Variants in MAF observed in about 807,000 individuals in gnomAD.
MAF encodes the protein MAF bZIP transcription factor.
A neutral mutation model predicts 22.0 loss-of-function variants in MAF; 10 were observed. The ratio of observed to expected loss-of-function variants is 0.45; its 90% confidence interval spans 0.28 to 0.77. MAF has a LOEUF of 0.77. Among genes scored for constraint, MAF ranks in the 30% least tolerant of loss-of-function variants. The pLI is 0.12. For missense variants in MAF, 544 were observed against 548.4 expected (o/e 0.99, Z 0.08); for synonymous variants, 337 against 255.8 (o/e 1.32, Z -3.03).
chr16:79,203,682 C>T, the MAF span: 1 of 152,134 alleles, frequency 6.6e-6, no homozygotes, highest in Non-Finnish European at 1.5e-5. Context: ...ATTTTGCAGG[C>T]AGACTTCGTA....
At chr16:79,225,594 A>T in the MAF span, among the ~76,000 whole-genome samples, 2 of 152,220 alleles carry the variant, frequency 1.3e-5, no homozygotes, top group African/African-American at 2.4e-5. Flanking sequence ...CAGGAAACCT[A>T]CAGAATGGGA....
the MAF span, among the ~76,000 whole-genome samples, chr16:79,557,406 A>G: frequency 1.3e-5 from 2 of 151,992 alleles, no homozygotes; most frequent in African/African-American, 4.8e-5. Context: ...GGAAGCAAAA[A>G]CAGCTCTGGC....
the MAF span, among the ~76,000 whole-genome samples, chr16:79,477,366 G>C: frequency 6.6e-6 from 1 of 152,170 alleles, no homozygotes; most frequent in African/African-American, 2.4e-5. Flanking sequence ...TCGCCCAGTG[G>C]GTAGGGCCAG....
the MAF span, among the ~76,000 whole-genome samples, chr16:79,448,098 C>A: frequency 6.6e-6 from 1 of 152,094 alleles, no homozygotes; most frequent in Non-Finnish European, 1.5e-5. Flanking sequence ...GTTGATAAAG[C>A]AGCAGCAGCG....
downstream of MAF, among the ~76,000 whole-genome samples, chr16:79,585,074 C>A (rs1027357915): frequency 2.0e-5 from 3 of 152,048 alleles, no homozygotes; most frequent in African/African-American, 7.2e-5. Flanking sequence ...TTAAAAAAAT[C>A]AAATGTACCA....
chr16:79,558,751 C>G, the MAF span, among the ~76,000 whole-genome samples: 3 of 152,130 alleles, frequency 2.0e-5, no homozygotes, highest in Non-Finnish European at 1.5e-5. Context: ...ATTCAAGAGT[C>G]CAGTGGCTTT....
the MAF span, among the ~76,000 whole-genome samples, chr16:79,395,332 C>A: frequency 6.6e-6 from 1 of 152,146 alleles, no homozygotes; most frequent in African/African-American, 2.4e-5. Context: ...AGTGAGGGAG[C>A]ATAGGTTTGC....
the MAF span, among the ~76,000 whole-genome samples, chr16:79,301,964 C>G: frequency 6.6e-6 from 1 of 152,244 alleles, no homozygotes; most frequent in South Asian, 2.1e-4. Context: ...CACAAGGGTG[C>G]GTCCTATGCC....
At chr16:79,221,619 T>G in the MAF span, among the ~76,000 whole-genome samples, 1 of 152,208 alleles carries the variant, frequency 6.6e-6, no homozygotes, top group Admixed American at 6.5e-5. Context: ...TTCTAGCAGT[T>G]AATCCTAAAA....
the MAF span, among the ~76,000 whole-genome samples, chr16:79,555,920 G>A: frequency 1.3e-5 from 2 of 152,162 alleles, no homozygotes; most frequent in African/African-American, 2.4e-5. Context: ...TAACATAGAT[G>A]TAGATAACTG....
the MAF span, among the ~76,000 whole-genome samples, chr16:79,463,170 G>T: frequency 6.6e-6 from 1 of 152,212 alleles, no homozygotes; most frequent in South Asian, 2.1e-4. Context: ...ACAGAGATCA[G>T]GCCCATGTAG....
At chr16:79,311,462 G>A in the MAF span, among the ~76,000 whole-genome samples, 2 of 148,454 alleles carry the variant, frequency 1.3e-5, no homozygotes, top group African/African-American at 5.0e-5. Flanking sequence ...GGGCATCACA[G>A]TTTTACAAAA....
At chr16:79,389,008 C>T in the MAF span, among the ~76,000 whole-genome samples, 85 of 152,186 alleles carry the variant, frequency 5.6e-4, no homozygotes, top group African/African-American at 1.9e-3. Context: ...TTCCAGGGCA[C>T]GAAATATGAA....
chr16:79,235,150 C>G, the MAF span, among the ~76,000 whole-genome samples: 2 of 152,186 alleles, frequency 1.3e-5, no homozygotes, highest in Middle Eastern at 3.4e-3. Context: ...CCAAAGCTCA[C>G]CGGGAAAGTG....
At chr16:79,519,164 ACATGGAGAAC>A in the MAF span, among the ~76,000 whole-genome samples, 1 of 152,120 alleles carries the variant, frequency 6.6e-6, no homozygotes, top group African/African-American at 2.4e-5. Context: ...TCTCCTTTGT[ACATGGAGAAC>A]CACAGAGGTT....
At chr16:79,408,097 A>AAAAAC in the MAF span, among the ~76,000 whole-genome samples, 1 of 151,536 alleles carries the variant, frequency 6.6e-6, no homozygotes, top group Admixed American at 6.6e-5. Context: ...AAAAAAAAAA[A>AAAAAC]AAACCTAAAG....
chr16:79,382,986 A>C, the MAF span, among the ~76,000 whole-genome samples: 2 of 152,202 alleles, frequency 1.3e-5, no homozygotes, highest in African/African-American at 2.4e-5. Flanking sequence ...CATCCATTCA[A>C]TATTTACTAA....
chr16:79,477,782 T>C, the MAF span, among the ~76,000 whole-genome samples: 407 of 152,176 alleles, frequency 2.7e-3, 3 homozygotes, highest in African/African-American at 9.3e-3. Context: ...TGGAGTGCAG[T>C]GGTGTGATCT....
the MAF span, among the ~76,000 whole-genome samples, chr16:79,227,503 G>T: frequency 6.6e-6 from 1 of 151,998 alleles, no homozygotes; most frequent in Non-Finnish European, 1.5e-5. Context: ...TTCTGCCATG[G>T]TCGAGTAACG....
Sources: gnomAD v4.1 joint callset for allele counts (sites outside exome capture counted in the v4.1 genomes callset) on GRCh38, gnomAD v4.1.1 for gene constraint, MANE v1.5 for transcripts, NCBI Gene and HGNC (gene_info 2026-07-23, HGNC 2026-07-21) for gene names.